The following FAAH2 variants were observed in gnomAD, a reference collection of about 807,000 sequenced individuals.
The protein encoded by FAAH2 is fatty-acid amide hydrolase 2.
Under a neutral mutation model 36.9 loss-of-function variants are expected in FAAH2, and 60 were observed. That is an observed-to-expected ratio of 1.63 (90% CI 1.32 to 2.02). The LOEUF (loss-of-function observed/expected upper bound fraction) is 2.02. FAAH2 is among the 30% of genes most tolerant of loss of function. FAAH2 has a pLI of 0.00. For missense variants in FAAH2, 689 were observed against 397.5 expected (o/e 1.73, Z -6.23); for synonymous variants, 214 against 143.8 (o/e 1.49, Z -3.49).
chrX:57,135,936 C>G, the FAAH2 span: 2 of 1,207,595 alleles, frequency 1.7e-6, no homozygotes, highest in Non-Finnish European at 2.2e-6. Context: ...CCTTTTGGAG[C>G]CATCTTCTTT....
chrX:57,376,253 C>T (rs759738494), intron 5 of FAAH2, among the ~76,000 whole-genome samples: 1 of 110,781 alleles, frequency 9.0e-6, no homozygotes, highest in Non-Finnish European at 1.9e-5. Context: ...TTAATCTTCT[C>T]CACAAATAAT....
chrX:57,241,327 C>T, the FAAH2 span, among the ~76,000 whole-genome samples: 1 of 111,469 alleles, frequency 9.0e-6, no homozygotes, highest in Non-Finnish European at 1.9e-5. Flanking sequence ...GCAATTGCAA[C>T]AAAAGCAAAA....
At chrX:57,322,891 GT>G (rs1422103871) in intron 3 of FAAH2, among the ~76,000 whole-genome samples, 1 of 108,926 alleles carries the variant, frequency 9.2e-6, no homozygotes, top group Non-Finnish European at 1.9e-5. Flanking sequence ...ATGCAGGTTT[GT>G]TACCTGTGTA....
At chrX:57,180,899 G>A in the FAAH2 span, among the ~76,000 whole-genome samples, 6 of 111,172 alleles carry the variant, frequency 5.4e-5, no homozygotes, top group East Asian at 5.6e-4. Flanking sequence ...ATAAAACACC[G>A]ATAAACTAAA....
In FAAH2 at chrX:57,337,094, C is replaced by G. The variant is rs970812098; in HGVS notation, c.623-4177C>G. Among the ~76,000 whole-genome samples, 6 of 110,623 alleles carry G rather than the reference C, an allele frequency of 5.4e-5. No individual in the cohort carries two copies. In the Admixed American group the frequency reaches 5.8e-4, roughly 11 times the overall value. On this transcript the variant is annotated intron_variant, in intron 4 of 10. Coordinates refer to ENST00000374900, the MANE Select transcript of FAAH2 (RefSeq NM_174912.4). ...ACTGACCCCACAGAAATACAAACAA[C>G]CATCATAGATTACTATATACACCTG...
At chrX:57,377,657 G>C (rs745543492) in intron 5 of FAAH2, among the ~76,000 whole-genome samples, 54 of 112,282 alleles carry the variant, frequency 4.8e-4, no homozygotes, top group Middle Eastern at 9.2e-3. Flanking sequence ...GAAATTTAAA[G>C]TAGTTTTTTC....
At chrX:57,292,451 T>C in intron 1 of FAAH2, 47 bp from the exon 2 acceptor site, 2 of 1,071,582 alleles carry the variant, frequency 1.9e-6, no homozygotes, top group South Asian at 2.0e-5. Context: ...GTTGAATGAA[T>C]TGTTTAGTGA....
chrX:57,191,622 G>C, the FAAH2 span, among the ~76,000 whole-genome samples: 1 of 111,716 alleles, frequency 9.0e-6, no homozygotes, highest in African/African-American at 3.2e-5. Context: ...ATAGTTTGAG[G>C]TCTCATTGAA....
chrX:57,401,476 T>G (rs2055433625), intron 7 of FAAH2, among the ~76,000 whole-genome samples: 1 of 111,704 alleles, frequency 9.0e-6, no homozygotes. Context: ...GTATAAGGGT[T>G]AGGTATAGCT....
chrX:57,189,761 C>A, the FAAH2 span, among the ~76,000 whole-genome samples: 4 of 111,675 alleles, frequency 3.6e-5, no homozygotes, highest in Admixed American at 9.5e-5. Context: ...CCTCTGGAAG[C>A]TTCATCCCAG....
Position 57,310,629 on chromosome X carries a change from T to G in FAAH2, c.312T>G (p.Asp104Glu). The G allele has an allele frequency of 8.3e-7, 1 of 1,209,941 alleles. No individual in the cohort carries two copies. The highest frequency in any genetic ancestry group is 1.1e-6 in the Non-Finnish European group (1 of 894,656). Reference sequence around the variant, plus strand: ...CGATGAAGGAGGCTCATGCTGTAGATCAAAAGCTTGCAGAGAAGCAGGAAG... The same window carrying G: ...CGATGAAGGAGGCTCATGCTGTAGAGCAAAAGCTTGCAGAGAAGCAGGAAG... ...EEAMKEAHAV[D>E]QKLAEKQEDE... Residue 104 changes from aspartate (D) to glutamate (E), a missense_variant, in exon 3 of 11, where the codon GAT becomes GAG. By Grantham distance (45) the Asp-to-Glu change is conservative (BLOSUM62 2). Coordinates refer to ENST00000374900, the MANE Select transcript of FAAH2 (RefSeq NM_174912.4).
chrX:57,143,611 G>C, the FAAH2 span, among the ~76,000 whole-genome samples: 2 of 110,373 alleles, frequency 1.8e-5, no homozygotes, highest in African/African-American at 3.3e-5. Context: ...TGAGTAGCTA[G>C]AACCATAGGA....
At chrX:57,321,405 A>G (rs1399486848) in intron 3 of FAAH2, among the ~76,000 whole-genome samples, 2 of 109,425 alleles carry the variant, frequency 1.8e-5, no homozygotes, top group Non-Finnish European at 3.8e-5. Flanking sequence ...GCAAACCACT[A>G]TTGCACATTT....
intron 2 of FAAH2, among the ~76,000 whole-genome samples, chrX:57,292,916 A>G (rs1355202900): frequency 9.0e-6 from 1 of 111,691 alleles, no homozygotes; most frequent in East Asian, 2.8e-4. Context: ...TGACTCTAAT[A>G]GGAGAACCCC....
At chrX:57,332,681 G>A (rs1342886099) in intron 4 of FAAH2, among the ~76,000 whole-genome samples, 1 of 111,126 alleles carries the variant, frequency 9.0e-6, no homozygotes, top group African/African-American at 3.3e-5. Context: ...GGGATCTTAG[G>A]GGCCCCACAC....
the FAAH2 span, among the ~76,000 whole-genome samples, chrX:57,265,481 C>CT: frequency 9.0e-6 from 1 of 111,364 alleles, no homozygotes; most frequent in Non-Finnish European, 1.9e-5. Context: ...GTTTGGGTGA[C>CT]TTAGCCATAT....
In FAAH2 at chrX:57,355,507, T is replaced by C. The variant is rs138459929; in HGVS notation, c.742+14117T>C. On this transcript the variant is annotated intron_variant, in intron 5 of 10. Coordinates refer to ENST00000374900, the MANE Select transcript of FAAH2 (RefSeq NM_174912.4). ...TTGTAGTTTTCAATGTACAAATATT[T>C]TTCCTCTGTTGTTAAATTTGTTTCT... Among the ~76,000 whole-genome samples the C allele has an allele frequency of 8.1e-4, 90 of 111,398 alleles. No homozygotes were observed. In the East Asian group the frequency reaches 0.019, roughly 23 times the overall value.
chrX:57,281,315 G>C, the FAAH2 span, among the ~76,000 whole-genome samples: 1 of 111,581 alleles, frequency 9.0e-6, no homozygotes, highest in Non-Finnish European at 1.9e-5. Flanking sequence ...AAGCTTATTT[G>C]GTGGTGGACA....
chrX:57,330,584 C>T (rs2146997671), intron 3 of FAAH2, among the ~76,000 whole-genome samples: 1 of 111,133 alleles, frequency 9.0e-6, no homozygotes, highest in South Asian at 3.9e-4. Flanking sequence ...ATCTTTGTGA[C>T]CCACACCCTA....
Sources: gnomAD v4.1 joint callset for allele counts (sites outside exome capture counted in the v4.1 genomes callset) on GRCh38, gnomAD v4.1.1 for gene constraint, MANE v1.5 for transcripts, NCBI Gene and HGNC (gene_info 2026-07-23, HGNC 2026-07-21) for gene names.